ACBD6: variants seen among roughly 807,000 people sequenced by gnomAD.
ACBD6 encodes the protein acyl-CoA-binding domain-containing protein 6.
Under a neutral mutation model 37.2 loss-of-function variants are expected in ACBD6, and 28 were observed. The observed-to-expected ratio is 0.75, with a 90% CI of 0.56 to 1.03. ACBD6 has a LOEUF of 1.03. Among genes scored for constraint, ACBD6 ranks in the 50% least tolerant of loss-of-function variants. The pLI, the probability that ACBD6 is intolerant of heterozygous loss-of-function variation, is 0.00. For synonymous variants in ACBD6, 113 were observed against 126.8 expected, an observed-to-expected ratio of 0.89 and a Z score of 0.73; for missense variants, 340 against 337.4, an observed-to-expected ratio of 1.01 and a Z score of -0.06.
chr1:180,437,041 G>C (rs1312529911), intron 3 of ACBD6, among the ~76,000 whole-genome samples: 1 of 152,188 alleles, frequency 6.6e-6, no homozygotes, highest in South Asian at 2.1e-4. Context: ...TTGGGTACAT[G>C]TTCTCAAGAC....
At chr1:180,316,124 G>C (rs528868047) in intron 6 of ACBD6, among the ~76,000 whole-genome samples, 3 of 152,184 alleles carry the variant, frequency 2.0e-5, no homozygotes, top group East Asian at 3.9e-4. Flanking sequence ...GGGGAAGAGA[G>C]CTAAGGCAGC....
intron 3 of ACBD6, among the ~76,000 whole-genome samples, chr1:180,477,353 T>C (rs144345861): frequency 6.6e-6 from 1 of 152,278 alleles, no homozygotes; most frequent in East Asian, 1.9e-4. Context: ...TACACACATA[T>C]AAGAGCATAC....
intron 7 of ACBD6, among the ~76,000 whole-genome samples, chr1:180,303,869 C>A (rs889521890): frequency 2.0e-5 from 3 of 150,780 alleles, no homozygotes; most frequent in African/African-American, 4.8e-5. Context: ...AAAATACTGG[C>A]AAACCGAATC....
intron 5 of ACBD6, among the ~76,000 whole-genome samples, chr1:180,398,009 T>C (rs1211579926): frequency 2.6e-5 from 4 of 152,000 alleles, no homozygotes; most frequent in Non-Finnish European, 4.4e-5. Context: ...GCCGAGATTG[T>C]ACCACTGCAC....
At chr1:180,271,354 C>T (rs1411901266) in exon 14 of ACBD6, 1 of 1,613,886 alleles carries the variant, frequency 6.2e-7, no homozygotes, top group South Asian at 1.1e-5. Context: ...AGGCCGAAGC[C>T]AGTAAGCAGT....
chr1:180,492,332 G>A lies in ACBD6; in HGVS notation c.321C>T (p.Pro107=), dbSNP rs1651536695. 3 of 1,613,784 alleles carry A rather than the reference G, an allele frequency of 1.9e-6. No individual in the cohort carries two copies. The highest frequency in any genetic ancestry group is 1.7e-6 in the Non-Finnish European group (2 of 1,179,966). Residue 107 remains proline (P), a synonymous_variant, in exon 3 of 8, where the codon CCC becomes CCT. Coordinates refer to ENST00000367595, the MANE Select transcript of ACBD6 (RefSeq NM_032360.4). ...CGATATATTCCTGCATTGCTTGGCT[G>A]GGGCTTGAATCACCAAGTGCTTTCC... ...EAWKALGDSS[P]SQAMQEYIAV...
chr1:180,480,447 T>C (rs1055638817), intron 3 of ACBD6, among the ~76,000 whole-genome samples: 51 of 152,166 alleles, frequency 3.4e-4, no homozygotes, highest in African/African-American at 1.2e-3. Context: ...ACTGCTAGGT[T>C]TCTCACTTGA....
At chr1:180,453,074 G>C (rs951820041) in intron 3 of ACBD6, among the ~76,000 whole-genome samples, 7 of 152,212 alleles carry the variant, frequency 4.6e-5, no homozygotes, top group Non-Finnish European at 8.8e-5. Flanking sequence ...TATGAGGCCA[G>C]CATCAACCTG....
chr1:180,428,437 T>A (rs1431245388), intron 4 of ACBD6, among the ~76,000 whole-genome samples: 2 of 152,260 alleles, frequency 1.3e-5, no homozygotes, highest in Non-Finnish European at 2.9e-5. Flanking sequence ...TTATTCTTTG[T>A]CATTGTTTAT....
chr1:180,447,632 T>C (rs1649524999), intron 3 of ACBD6, among the ~76,000 whole-genome samples: 1 of 152,170 alleles, frequency 6.6e-6, no homozygotes, highest in Admixed American at 6.5e-5. Context: ...TTATGACTAA[T>C]TTTCTAGAAA....
chr1:180,419,073 A>G (rs1648236404), intron 4 of ACBD6, among the ~76,000 whole-genome samples: 1 of 152,214 alleles, frequency 6.6e-6, no homozygotes. Context: ...AACACGGTGA[A>G]ACCCCGTCTC....
chr1:180,433,534 A>G (rs1648890828), intron 3 of ACBD6, among the ~76,000 whole-genome samples: 1 of 152,068 alleles, frequency 6.6e-6, no homozygotes, highest in Admixed American at 6.6e-5. Context: ...TCCAAGCCAC[A>G]GCGATCAGAC....
chr1:180,274,157 C>T (rs1480684451), intron 10 of ACBD6: 4 of 1,614,026 alleles, frequency 2.5e-6, no homozygotes. Context: ...TGGCAGCTGA[C>T]AATAAATCTC....
chr1:180,347,616 T>C (rs2101888346), intron 6 of ACBD6, among the ~76,000 whole-genome samples: 1 of 152,288 alleles, frequency 6.6e-6, no homozygotes, highest in Admixed American at 6.5e-5. Flanking sequence ...TTAATGTTCC[T>C]TCAATTCCCT....
At chr1:180,488,413 AC>A (rs1370677248) in intron 3 of ACBD6, among the ~76,000 whole-genome samples, 1 of 152,232 alleles carries the variant, frequency 6.6e-6, no homozygotes, top group Non-Finnish European at 1.5e-5. Context: ...CAGAGCTTTG[AC>A]AAAAATAGCT....
rs930581753 is a variant in ACBD6 at position 180,406,413 on chromosome 1, T to G, written c.573+6953A>C. 2.6e-5 allele frequency among the ~76,000 whole-genome samples: 4 copies of G among 152,250 alleles called. No individual in the cohort carries two copies. The Middle Eastern group carries it at 0.01, about 388-fold the overall frequency. On this transcript the variant is annotated intron_variant, in intron 5 of 7. Transcript: ENST00000367595. ...ATTTTGGATTTTCAGATGAGGAATA[T>G]CCAACCTGTAGTAATTACAACTTAA...
intron 3 of ACBD6, among the ~76,000 whole-genome samples, chr1:180,446,469 T>C (rs1014372488): frequency 2.0e-5 from 3 of 152,222 alleles, no homozygotes; most frequent in Non-Finnish European, 4.4e-5. Flanking sequence ...AACACTTTTC[T>C]GATAATCCTT....
intron 6 of ACBD6, among the ~76,000 whole-genome samples, chr1:180,321,235 G>A (rs1373103339): frequency 6.6e-6 from 1 of 152,126 alleles, no homozygotes; most frequent in Non-Finnish European, 1.5e-5. Flanking sequence ...GACCCTTCCA[G>A]TTTTGTTCTT....
chr1:180,473,263 C>T (rs1258197101), intron 3 of ACBD6, among the ~76,000 whole-genome samples: 4 of 151,646 alleles, frequency 2.6e-5, no homozygotes, highest in Non-Finnish European at 4.4e-5. Flanking sequence ...CTGGCTAAAA[C>T]GGTGAAACCC....
Sources: allele counts gnomAD v4.1 joint callset (sites outside exome capture counted in the v4.1 genomes callset), GRCh38; gene constraint gnomAD v4.1.1; transcripts MANE v1.5; gene names NCBI Gene and HGNC (gene_info 2026-07-23, HGNC 2026-07-21).